Variants in SAMSN1 observed in about 807,000 individuals in gnomAD.
SAMSN1 encodes the protein SAM domain, SH3 domain and nuclear localization signals 1.
A neutral mutation model predicts 42.0 loss-of-function variants in SAMSN1; 31 were observed. The observed-to-expected ratio is 0.74, with a 90% CI of 0.55 to 1.00. SAMSN1 has a LOEUF of 1.00. Ranked by LOEUF, SAMSN1 falls within the 50% of genes least tolerant of loss-of-function variation. SAMSN1 has a pLI of 0.00. For synonymous variants in SAMSN1, 178 were observed against 151.9 expected, an observed-to-expected ratio of 1.17 and a Z score of -1.26; for missense variants, 464 against 439.4, an observed-to-expected ratio of 1.06 and a Z score of -0.50.
At chr21:14,650,069 G>A (rs530617500) in intron 1 of SAMSN1, among the ~76,000 whole-genome samples, 42 of 152,174 alleles carry the variant, frequency 2.8e-4, no homozygotes, top group African/African-American at 9.6e-4. Flanking sequence ...GATAAAGAGG[G>A]ATAGGACCAA....
upstream of SAMSN1, chr21:14,658,851 G>C (rs764293114): frequency 1.3e-5 from 9 of 710,336 alleles, no homozygotes; most frequent in African/African-American, 5.3e-5. Flanking sequence ...CTTCACAGCT[G>C]TTTGGCCAGT....
intron 1 of SAMSN1, among the ~76,000 whole-genome samples, chr21:14,657,988 G>C (rs181443183): frequency 3.8e-4 from 58 of 151,854 alleles, no homozygotes; most frequent in Non-Finnish European, 7.1e-4. Context: ...AAATGAGAGG[G>C]ATCTCCCATC....
At chr21:14,603,411 GGA>G (rs1982487573) in intron 5 of SAMSN1, among the ~76,000 whole-genome samples, 1 of 152,188 alleles carries the variant, frequency 6.6e-6, no homozygotes, top group African/African-American at 2.4e-5. Flanking sequence ...ACAATACTAT[GGA>G]GAGAGACCAC....
At chr21:14,656,529 A>G (rs1983919788) in intron 1 of SAMSN1, among the ~76,000 whole-genome samples, 1 of 151,832 alleles carries the variant, frequency 6.6e-6, no homozygotes, top group Non-Finnish European at 1.5e-5. Flanking sequence ...CTGTGCCTCA[A>G]ATGAGCAAGT....
chr21:14,515,319 AT>A (rs1987864962), intron 3 of SAMSN1, among the ~76,000 whole-genome samples: 1 of 152,208 alleles, frequency 6.6e-6, no homozygotes, highest in Admixed American at 6.5e-5. Flanking sequence ...AAACTCACTT[AT>A]TTATGATCCA....
chr21:14,503,252 G>A (rs1314639490), intron 5 of SAMSN1, among the ~76,000 whole-genome samples: 1 of 152,092 alleles, frequency 6.6e-6, no homozygotes, highest in Non-Finnish European at 1.5e-5. Context: ...AAAGATTAAG[G>A]CCTGAGTGAG....
intron 1 of SAMSN1, among the ~76,000 whole-genome samples, chr21:14,647,041 T>C (rs138753623): frequency 1.3e-5 from 2 of 152,164 alleles, no homozygotes; most frequent in African/African-American, 4.8e-5. Context: ...AAACAAGTAA[T>C]AAATGGCAAG....
At chr21:14,518,308 C>T (rs149584801) in intron 2 of SAMSN1, among the ~76,000 whole-genome samples, 12 of 152,306 alleles carry the variant, frequency 7.9e-5, no homozygotes, top group African/African-American at 2.6e-4. Context: ...TTATTGTCTG[C>T]GTCTCCCACT....
At chr21:14,515,897 G>A (rs896192361) in intron 3 of SAMSN1, among the ~76,000 whole-genome samples, 1 of 152,156 alleles carries the variant, frequency 6.6e-6, no homozygotes, top group African/African-American at 2.4e-5. Flanking sequence ...AAAGATTCTT[G>A]ACATTATTAG....
intron 1 of SAMSN1, among the ~76,000 whole-genome samples, chr21:14,542,965 A>G (rs1980138888): frequency 6.6e-6 from 1 of 152,180 alleles, no homozygotes; most frequent in African/African-American, 2.4e-5. Flanking sequence ...GGTAAAGGCA[A>G]AATTCAAGAA....
At chr21:14,639,562 G>A (rs183098718) in intron 2 of SAMSN1, among the ~76,000 whole-genome samples, 127 of 152,146 alleles carry the variant, frequency 8.3e-4, no homozygotes, top group Middle Eastern at 6.8e-3. Flanking sequence ...GATTGCACTG[G>A]GGATTAAATT....
chr21:14,592,921 GT>G (rs1982133291), intron 7 of SAMSN1, among the ~76,000 whole-genome samples: 1 of 152,042 alleles, frequency 6.6e-6, no homozygotes, highest in Non-Finnish European at 1.5e-5. Context: ...AGGTTCATTT[GT>G]TTGTTTCCCA....
At position 14,599,218 on chromosome 21, in the gene SAMSN1, A is replaced by G. The variant is rs539254843; in HGVS notation, c.399+2805T>C. Among the ~76,000 whole-genome samples, 4 of 152,330 alleles carry G rather than the reference A, an allele frequency of 2.6e-5. No homozygotes were observed. In the East Asian group the frequency reaches 7.7e-4, roughly 29 times the overall value. On this transcript the variant is annotated intron_variant, in intron 6 of 15. Coordinates refer to the SAMSN1 transcript ENST00000647101. ...AATCTCATCTTGAATTGTAATCCCC[A>G]TAATTCCCACGTGTCAAGGGCGGGA...
chr21:14,642,985 G>C (rs567502483), intron 2 of SAMSN1: 1 of 716,500 alleles, frequency 1.4e-6, no homozygotes, highest in Non-Finnish European at 2.6e-6. Context: ...ATCCACTCCA[G>C]TCAATGCTTC....
At chr21:14,574,373 A>G (rs551547988) in intron 2 of SAMSN1, among the ~76,000 whole-genome samples, 1 of 152,344 alleles carries the variant, frequency 6.6e-6, no homozygotes, top group African/African-American at 2.4e-5. Context: ...AGATTTTACT[A>G]TAAGGAATAT....
Position 14,643,058 on chromosome 21 carries a change from CAGTTCTACTA to C in SAMSN1, c.90_99del (p.Ser31IlefsTer24), listed in dbSNP as rs948276153. The C allele has an allele frequency of 2.8e-6, 2 of 717,208 alleles. No homozygotes were observed. The highest frequency in any genetic ancestry group is 3.5e-5 in the African/African-American group (2 of 57,240). 44.4% of individuals were successfully genotyped at this position (717,208 alleles called of 1,614,324 possible). A position where few individuals can be genotyped will look rare whatever the true frequency, so the allele number is the denominator to read the frequency against. On this transcript the variant is annotated frameshift_variant, in exon 2 of 16. Transcript: ENST00000647101. LOFTEE classifies it high-confidence loss of function. ...TCTCCAAAGGGTGGGATAGGAGAAT[CAGTTCTACTA>C]GACATGTTTTCTTGGTTAGCTTGTT... is the stretch of plus-strand genomic sequence containing the variant.
chr21:14,577,284 A>ATTTTT (rs58491748), intron 2 of SAMSN1, among the ~76,000 whole-genome samples: 601 of 53,752 alleles, frequency 0.011, 56 homozygotes, highest in African/African-American at 0.022. Context: ...ATATATATAT[A>ATTTTT]TTTTTTTTTT....
chr21:14,516,693 T>C (rs571107703), intron 3 of SAMSN1, among the ~76,000 whole-genome samples, 199 bp downstream of exon 3: 1 of 152,172 alleles, frequency 6.6e-6, no homozygotes, highest in Non-Finnish European at 1.5e-5. Flanking sequence ...ACCCAGCAGA[T>C]GCATGATCTT....
upstream of SAMSN1, chr21:14,583,616 A>C (rs749492722): frequency 1.5e-5 from 11 of 713,806 alleles, 1 homozygote; most frequent in South Asian, 1.2e-4. Flanking sequence ...TCTCCCTCAA[A>C]GGAGTTTTAA....
Sources: allele counts gnomAD v4.1 joint callset (sites outside exome capture counted in the v4.1 genomes callset), GRCh38; gene constraint gnomAD v4.1.1; transcripts MANE v1.5; gene names NCBI Gene and HGNC (gene_info 2026-07-23, HGNC 2026-07-21).